Variants in MSTO1 observed in about 807,000 individuals in gnomAD.
MSTO1 encodes misato mitochondrial distribution and morphology regulator 1.
A neutral mutation model predicts 55.7 loss-of-function variants in MSTO1; 24 were observed. The ratio of observed to expected loss-of-function variants is 0.43; its 90% confidence interval spans 0.31 to 0.61. MSTO1 has a LOEUF of 0.61. Ranked by LOEUF, MSTO1 falls within the 20% of genes least tolerant of loss-of-function variation. MSTO1 has a pLI of 0.09. For synonymous variants in MSTO1, 162 were observed against 252.8 expected (o/e 0.64, Z 3.41); for missense variants, 363 against 625.7 (o/e 0.58, Z 4.48).
At chr1:155,604,259 T>C in the MSTO1 span, among the ~76,000 whole-genome samples, 1 of 152,088 alleles carries the variant, frequency 6.6e-6, no homozygotes, top group Non-Finnish European at 1.5e-5. Flanking sequence ...ACCTATCAAA[T>C]CCCAAAACTT....
At chr1:155,609,546 C>A (rs1673395439), upstream of MSTO1, among the ~76,000 whole-genome samples, 1 of 152,104 alleles carries the variant, frequency 6.6e-6, no homozygotes, top group Admixed American at 6.6e-5. Context: ...CCGCGCCCAG[C>A]CTATTCTTTC....
chr1:155,568,438 T>G, the MSTO1 span, among the ~76,000 whole-genome samples: 5 of 148,504 alleles, frequency 3.4e-5, no homozygotes, highest in South Asian at 6.4e-4. Flanking sequence ...ACAGGTTGAG[T>G]TTTTTTTGTT....
the MSTO1 span, among the ~76,000 whole-genome samples, chr1:155,600,416 T>G: frequency 6.6e-6 from 1 of 152,264 alleles, no homozygotes. Context: ...AGAAGAATTT[T>G]TCTTAGTACA....
the MSTO1 span, among the ~76,000 whole-genome samples, chr1:155,567,015 G>A: frequency 3.3e-5 from 5 of 152,270 alleles, no homozygotes; most frequent in Admixed American, 3.3e-4. Context: ...CGGTAGCCGG[G>A]ACTACTGTTG....
the MSTO1 span, among the ~76,000 whole-genome samples, chr1:155,576,266 G>T: frequency 1.6e-3 from 242 of 152,238 alleles, no homozygotes; most frequent in African/African-American, 5.7e-3. Context: ...ATCCTTTGAA[G>T]TACAAGTGTC....
the MSTO1 span, among the ~76,000 whole-genome samples, chr1:155,587,461 A>T: frequency 7.9e-6 from 1 of 126,680 alleles, no homozygotes; most frequent in Non-Finnish European, 1.7e-5. Context: ...AAAAAAAAAA[A>T]GGCCGGGCGT....
the MSTO1 span, among the ~76,000 whole-genome samples, chr1:155,589,731 G>C: frequency 6.6e-6 from 1 of 151,910 alleles, no homozygotes; most frequent in African/African-American, 2.4e-5. Context: ...AAAGATGAAG[G>C]CTGGAAGACC....
At chr1:155,590,708 G>A in the MSTO1 span, 3 of 1,552,150 alleles carry the variant, frequency 1.9e-6, no homozygotes, top group African/African-American at 2.7e-5. Flanking sequence ...CCCCCGGAGG[G>A]GCAAGTGCAG....
the MSTO1 span, among the ~76,000 whole-genome samples, chr1:155,585,144 G>A: frequency 6.6e-6 from 1 of 152,090 alleles, no homozygotes; most frequent in African/African-American, 2.4e-5. Context: ...GTATTCACAG[G>A]GCCTGGTACA....
the MSTO1 span, among the ~76,000 whole-genome samples, chr1:155,579,566 A>G: frequency 6.6e-6 from 1 of 152,202 alleles, no homozygotes; most frequent in Non-Finnish European, 1.5e-5. Flanking sequence ...ATAGATTTCA[A>G]TTCTAAAACT....
chr1:155,591,253 C>A, the MSTO1 span: 4 of 1,604,322 alleles, frequency 2.5e-6, no homozygotes, highest in Admixed American at 1.7e-5. Flanking sequence ...TGCATTCTGG[C>A]AGAGGCCATG....
intron 4 of MSTO1, 111 bp downstream of exon 4, chr1:155,611,402 G>T (rs759776104): frequency 1.1e-4 from 182 of 1,602,632 alleles, no homozygotes; most frequent in Middle Eastern, 4.9e-4. Flanking sequence ...ATGATATTTT[G>T]GGAAAAAGCA....
the MSTO1 span, among the ~76,000 whole-genome samples, chr1:155,604,980 G>A: frequency 1.3e-5 from 2 of 152,106 alleles, no homozygotes; most frequent in East Asian, 1.9e-4. Flanking sequence ...ACAATATTGG[G>A]CTGGGTGCGG....
At chr1:155,587,615 G>A in the MSTO1 span, among the ~76,000 whole-genome samples, 2 of 151,450 alleles carry the variant, frequency 1.3e-5, no homozygotes, top group Admixed American at 1.3e-4. Context: ...GTGGTGGCGG[G>A]CGCCTATAGT....
the MSTO1 span, among the ~76,000 whole-genome samples, chr1:155,581,759 G>A: frequency 2.0e-5 from 3 of 151,394 alleles, no homozygotes; most frequent in Non-Finnish European, 4.4e-5. Context: ...TTCCTATTAG[G>A]CTGGAGATAA....
chr1:155,591,777 C>T, the MSTO1 span, among the ~76,000 whole-genome samples: 29 of 150,620 alleles, frequency 1.9e-4, no homozygotes, highest in Middle Eastern at 6.8e-3. Flanking sequence ...GCAACAAGAG[C>T]GAAACTCCGT....
chr1:155,574,127 G>A, the MSTO1 span, among the ~76,000 whole-genome samples: 1 of 151,968 alleles, frequency 6.6e-6, no homozygotes, highest in African/African-American at 2.4e-5. Context: ...GGAGGCAGAG[G>A]CAGGCATATC....
At chr1:155,609,243 A>ATTTTTTT (rs1185140621), upstream of MSTO1, among the ~76,000 whole-genome samples, 18 of 54,578 alleles carry the variant, frequency 3.3e-4, no homozygotes, top group African/African-American at 5.1e-4. Context: ...ATATATATAT[A>ATTTTTTT]TTTTTTTTTT....
At chr1:155,601,359 A>G in the MSTO1 span, among the ~76,000 whole-genome samples, 1 of 147,468 alleles carries the variant, frequency 6.8e-6, no homozygotes, top group Non-Finnish European at 1.5e-5. Context: ...CTGATTTTGA[A>G]CTCCTGACCT....
Sources: gnomAD v4.1 joint callset for allele counts (sites outside exome capture counted in the v4.1 genomes callset) on GRCh38, gnomAD v4.1.1 for gene constraint, MANE v1.5 for transcripts, NCBI Gene and HGNC (gene_info 2026-07-23, HGNC 2026-07-21) for gene names.